Variants in DAG1 observed in about 807,000 individuals in gnomAD.
DAG1 encodes dystroglycan 1 (dystrophin-associated glycoprotein 1).
DAG1 carries 8 observed loss-of-function variants against 46.1 expected under a neutral mutation model. The observed-to-expected ratio is 0.17, with a 90% confidence interval of 0.10 to 0.31. DAG1 has a LOEUF of 0.31. Among genes scored for constraint, DAG1 ranks in the 10% least tolerant of loss-of-function variants. The pLI, the probability that DAG1 is intolerant of heterozygous loss-of-function variation, is 1.00. For synonymous variants in DAG1, 495 were observed against 481.8 expected (o/e 1.03, Z -0.36); for missense variants, 1,003 against 1,189.9 (o/e 0.84, Z 2.31).
Position 49,534,233 on chromosome 3 carries a change from C to T in DAG1, c.*1034C>T, listed in dbSNP as rs2107969207. 1 of 152,310 alleles carries T rather than the reference C, an allele frequency of 6.6e-6. No individual in the cohort carries two copies. Among genetic ancestry groups the T allele is most frequent in the South Asian group, 2.1e-4 (1 of 4,822 alleles). The allele number at this position is 152,310 out of a possible 1,614,324, so 9.4% of individuals were successfully genotyped here. The stretch of plus-strand genomic sequence containing the variant: ...AGGAATATCACGGTTTTTTGAAACA[C>T]TCAGTGGGGGACATTTTGGTGAAGA... On this transcript the variant is annotated 3_prime_UTR_variant, in exon 3 of 3. Coordinates refer to ENST00000308775, the MANE Select transcript of DAG1 (RefSeq NM_004393.6).
rs374339687 is a variant in DAG1, at chr3:49,510,750, T to C, written c.216T>C (p.Ala72=). ...TGGTTGGCATTCCTGATGGCACGGC[T>C]GTCGTCGGGCGCTCATTTCGAGTGA... The part of the protein sequence containing the change: ...PTVVGIPDGT[A]VVGRSFRVTI... The change falls in exon 2 of 3, where the codon GCT becomes GCC. Residue 72 remains alanine (A), a synonymous_variant. Transcript: ENST00000308775. The C allele has an allele frequency of 1.2e-6, 2 of 1,614,100 alleles. No homozygotes were observed. Among genetic ancestry groups the C allele is most frequent in the African/African-American group, 1.3e-5 (1 of 74,938 alleles).
intron 1 of DAG1, among the ~76,000 whole-genome samples, chr3:49,474,566 G>A (rs1270765143): frequency 2.0e-5 from 3 of 151,818 alleles, no homozygotes; most frequent in East Asian, 3.9e-4. Context: ...GGCTGATCTC[G>A]AACTCCTGAC....
chr3:49,494,016 A>C (rs2050251070), intron 1 of DAG1, among the ~76,000 whole-genome samples: 1 of 152,206 alleles, frequency 6.6e-6, no homozygotes, highest in Non-Finnish European at 1.5e-5. Flanking sequence ...TGAAGCAGGT[A>C]AAAGGGCCAA....
intron 1 of DAG1, among the ~76,000 whole-genome samples, chr3:49,495,163 C>G (rs2050279374): frequency 6.6e-6 from 1 of 152,116 alleles, no homozygotes; most frequent in Non-Finnish European, 1.5e-5. Context: ...CAGGGTAGCC[C>G]CACTGTACCT....
chr3:49,491,167 G>A (rs1034742562), intron 1 of DAG1, among the ~76,000 whole-genome samples: 2 of 151,730 alleles, frequency 1.3e-5, no homozygotes, highest in Admixed American at 6.6e-5. Context: ...GAGCCACCAC[G>A]CCTGGCATTT....
intron 1 of DAG1, among the ~76,000 whole-genome samples, chr3:49,474,758 CA>C (rs1217482649): frequency 6.6e-6 from 1 of 151,966 alleles, no homozygotes; most frequent in Admixed American, 6.6e-5. Context: ...GCTGGGATTA[CA>C]AGCCTGAGCC....
At position 49,533,786 on chromosome 3, in the gene DAG1, A is replaced by G. The variant is rs2051436788; in HGVS notation, c.*587A>G. ...AAAAATAAGCTCCCAGGGTGTTTCA[A>G]ACTTAGAGAAGACCAAGGGACAGTA... On this transcript the variant is annotated 3_prime_UTR_variant, in exon 3 of 3. Coordinates refer to ENST00000308775, the MANE Select transcript of DAG1 (RefSeq NM_004393.6). The G allele has an allele frequency of 4.6e-6, 1 of 216,448 alleles. No homozygotes were observed. The highest frequency in any genetic ancestry group is 5.3e-5 in the Admixed American group (1 of 18,914). The allele number at this position is 216,448 out of a possible 1,614,324, so 13.4% of individuals were successfully genotyped here. A position where few individuals can be genotyped will look rare whatever the true frequency, so the allele number is the denominator to read the frequency against.
chr3:49,478,526 A>AG lies in DAG1; in HGVS notation c.-117+8094dup, dbSNP rs1421351481. On this transcript the variant is annotated intron_variant, in intron 1 of 2. Transcript: ENST00000308775. ...GGTGGGGGCATCTTTTGAGCCCAAG[A>AG]GTTTTTTTTTTTTTTTTTTTTTTTT... is the stretch of plus-strand genomic sequence containing the variant. Among the ~76,000 whole-genome samples the AG allele has an allele frequency of 5.5e-5, 3 of 54,908 alleles. No individual in the cohort carries two copies. The South Asian group carries it at 2.4e-3, about 43-fold the overall frequency. The allele number at this position is 54,908 out of a possible 152,430, so 36.0% of individuals were successfully genotyped here. A position where few individuals can be genotyped will look rare whatever the true frequency, so the allele number is the denominator to read the frequency against.
chr3:49,498,151 T>A (rs1049017924), intron 1 of DAG1, among the ~76,000 whole-genome samples: 1 of 152,212 alleles, frequency 6.6e-6, no homozygotes, highest in Non-Finnish European at 1.5e-5. Context: ...TGGCTCCCTT[T>A]GGTTGGTCCT....
intron 2 of DAG1, among the ~76,000 whole-genome samples, chr3:49,522,371 T>C (rs1184143343): frequency 1.3e-5 from 2 of 152,108 alleles, no homozygotes; most frequent in Non-Finnish European, 2.9e-5. Flanking sequence ...TTCACCATGT[T>C]GGCCAGGCTG....
chr3:49,495,911 A>T (rs921726996), intron 1 of DAG1, among the ~76,000 whole-genome samples: 5 of 151,598 alleles, frequency 3.3e-5, no homozygotes, highest in African/African-American at 1.2e-4. Context: ...ACAGAGCGAG[A>T]CTCCGTCTCA....
chr3:49,500,112 A>C (rs1298275743), intron 1 of DAG1, among the ~76,000 whole-genome samples: 1 of 35,738 alleles, frequency 2.8e-5, no homozygotes, highest in Non-Finnish European at 5.9e-5. Flanking sequence ...TCCCGGGTTC[A>C]AGCAATTTTC....
chr3:49,490,844 A>G (rs2050161709), intron 1 of DAG1, among the ~76,000 whole-genome samples: 1 of 148,168 alleles, frequency 6.7e-6, no homozygotes, highest in Admixed American at 6.7e-5. Flanking sequence ...TGCTGGGATT[A>G]CAGACATGAG....
At chr3:49,518,811 C>T (rs1001008029) in intron 2 of DAG1, among the ~76,000 whole-genome samples, 5 of 152,246 alleles carry the variant, frequency 3.3e-5, no homozygotes, top group Non-Finnish European at 7.3e-5. Flanking sequence ...CCTCAAGGTC[C>T]TCATGGCCAG....
intron 2 of DAG1, among the ~76,000 whole-genome samples, chr3:49,519,088 G>A (rs1559569688): frequency 6.6e-6 from 1 of 152,146 alleles, no homozygotes; most frequent in Non-Finnish European, 1.5e-5. Context: ...CCTGTCCTGG[G>A]CTGGCAACAG....
At position 49,488,529 on chromosome 3, in the gene DAG1, G is replaced by T. The variant is rs4855861; in HGVS notation, c.-117+18096G>T. The T allele has an allele frequency of 0.42, 63,406 of 152,030 alleles. 14,890 individuals are homozygous for T. The highest frequency in any genetic ancestry group is 0.93 in the East Asian group (4,821 of 5,184). The allele number at this position is 152,030 out of a possible 1,614,324, so 9.4% of individuals were successfully genotyped here. On this transcript the variant is annotated intron_variant, in intron 1 of 2. Coordinates refer to ENST00000308775, the MANE Select transcript of DAG1 (RefSeq NM_004393.6). ...ATTTAGATGTGCCACACACAATAGGGGTGAATGAGAAGAAGGATCTACCCA... is the reference window on the plus strand; with the variant it reads ...ATTTAGATGTGCCACACACAATAGGTGTGAATGAGAAGAAGGATCTACCCA...
chr3:49,497,888 C>T (rs2050356417), intron 1 of DAG1, among the ~76,000 whole-genome samples: 2 of 152,144 alleles, frequency 1.3e-5, no homozygotes, highest in African/African-American at 4.8e-5. Context: ...AACATGTCTG[C>T]ACCTGGGTGG....
chr3:49,475,031 C>G (rs867905346), intron 1 of DAG1, among the ~76,000 whole-genome samples: 4 of 151,710 alleles, frequency 2.6e-5, no homozygotes, highest in African/African-American at 7.3e-5. Context: ...CCAGGATGGT[C>G]TCGATCTACT....
intron 2 of DAG1, among the ~76,000 whole-genome samples, chr3:49,511,276 T>C (rs1432128641): frequency 6.6e-6 from 1 of 152,184 alleles, no homozygotes; most frequent in Non-Finnish European, 1.5e-5. Flanking sequence ...GAACCAAAAT[T>C]AGTACCCAAA....
Sources: gnomAD v4.1 joint callset for allele counts (sites outside exome capture counted in the v4.1 genomes callset) on GRCh38, gnomAD v4.1.1 for gene constraint, MANE v1.5 for transcripts, NCBI Gene and HGNC (gene_info 2026-07-23, HGNC 2026-07-21) for gene names.